The following APBA2 variants were observed in gnomAD, a reference collection of about 807,000 sequenced individuals.
APBA2 encodes amyloid beta precursor protein binding family A member 2.
APBA2 carries 30 observed loss-of-function variants against 75.0 expected under a neutral mutation model. That is an observed-to-expected ratio of 0.40 (90% CI 0.30 to 0.54). The LOEUF (loss-of-function observed/expected upper bound fraction) is 0.54, where lower values mean the gene tolerates loss of function less well. APBA2 is among the 20% of genes least tolerant of loss of function. The probability of loss-of-function intolerance (pLI) is 0.49; values close to 1 mark genes in which losing one functional copy is unlikely to be tolerated. For missense variants in APBA2, 801 were observed against 1,016.1 expected, an observed-to-expected ratio of 0.79 and a Z score of 2.88; for synonymous variants, 444 against 409.6, an observed-to-expected ratio of 1.08 and a Z score of -1.01.
intron 1 of APBA2, among the ~76,000 whole-genome samples, chr15:28,906,495 G>A (rs890717817): frequency 8.5e-5 from 13 of 152,328 alleles, no homozygotes; most frequent in African/African-American, 2.9e-4. Context: ...TGTTTCCGTA[G>A]CATAGGTTCC....
At chr15:28,933,227 G>C (rs1202635676) in intron 2 of APBA2, among the ~76,000 whole-genome samples, 1 of 149,072 alleles carries the variant, frequency 6.7e-6, no homozygotes, top group East Asian at 1.9e-4. Flanking sequence ...CATGAACTTT[G>C]GGGGGGCACA....
At chr15:29,044,055 G>A (rs1332073071) in intron 3 of APBA2, among the ~76,000 whole-genome samples, 3 of 152,198 alleles carry the variant, frequency 2.0e-5, no homozygotes, top group Admixed American at 2.0e-4. Context: ...TACAACATGT[G>A]AGACCAAATG....
intron 2 of APBA2, among the ~76,000 whole-genome samples, chr15:28,935,028 A>G (rs1254306011): frequency 6.6e-6 from 1 of 152,184 alleles, no homozygotes; most frequent in Non-Finnish European, 1.5e-5. Context: ...TGATGCCCAC[A>G]CAGTTCCTGG....
chr15:28,986,505 T>A (rs942674381), intron 2 of APBA2, among the ~76,000 whole-genome samples: 1 of 152,180 alleles, frequency 6.6e-6, no homozygotes, highest in Non-Finnish European at 1.5e-5. Flanking sequence ...TTTTAATTAT[T>A]AAAAAAATTT....
intron 6 of APBA2, among the ~76,000 whole-genome samples, chr15:29,083,908 A>G (rs115027623): frequency 4.7e-4 from 72 of 152,320 alleles, no homozygotes; most frequent in African/African-American, 1.6e-3. Flanking sequence ...TCAGCTTTAC[A>G]ACATAGTCTT....
chr15:29,003,113 G>A (rs986143090), intron 3 of APBA2, among the ~76,000 whole-genome samples: 2 of 152,048 alleles, frequency 1.3e-5, no homozygotes, highest in African/African-American at 4.8e-5. Flanking sequence ...AGATGGCTTG[G>A]GAGAAGCCCT....
At chr15:29,061,291 C>T (rs2042120773) in intron 4 of APBA2, among the ~76,000 whole-genome samples, 1 of 152,172 alleles carries the variant, frequency 6.6e-6, no homozygotes, top group South Asian at 2.1e-4. Context: ...CTGAAATTCT[C>T]CCTGTAGAGA....
intron 4 of APBA2, among the ~76,000 whole-genome samples, chr15:29,061,904 C>T (rs982930514): frequency 6.6e-6 from 1 of 152,160 alleles, no homozygotes; most frequent in Middle Eastern, 3.2e-3. Flanking sequence ...GTTGTTGGCA[C>T]CCAGGCGCCC....
chr15:29,112,573 G>C (rs1002260729), intron 13 of APBA2, among the ~76,000 whole-genome samples: 2 of 152,178 alleles, frequency 1.3e-5, no homozygotes, highest in African/African-American at 4.8e-5. Context: ...GGGCCCTGGG[G>C]TGGCGAAGGA....
chr15:29,094,145 C>A, intron 7 of APBA2, 133 bp from the exon 8 acceptor site: 1 of 913,064 alleles, frequency 1.1e-6, no homozygotes, highest in Non-Finnish European at 1.8e-6. Flanking sequence ...CAATGGCTGT[C>A]CACCCGTCCC....
chr15:28,932,293 G>A (rs1245888082), intron 2 of APBA2, among the ~76,000 whole-genome samples: 5 of 152,124 alleles, frequency 3.3e-5, no homozygotes, highest in Non-Finnish European at 5.9e-5. Flanking sequence ...CACAGCATGG[G>A]GTGCTGGCTT....
At chr15:29,036,322 A>G (rs1366305623) in intron 3 of APBA2, among the ~76,000 whole-genome samples, 1 of 152,158 alleles carries the variant, frequency 6.6e-6, no homozygotes, top group Admixed American at 6.5e-5. Flanking sequence ...TGCTTAGTAG[A>G]CAAATGTCCC....
intron 1 of APBA2, among the ~76,000 whole-genome samples, chr15:28,910,374 G>C (rs2033373232): frequency 6.6e-6 from 1 of 152,214 alleles, no homozygotes; most frequent in Admixed American, 6.5e-5. Context: ...GAAATGAAAA[G>C]TGCTCAGTGA....
chr15:28,951,085 G>A (rs1002880484), intron 2 of APBA2, among the ~76,000 whole-genome samples: 2 of 152,080 alleles, frequency 1.3e-5, no homozygotes, highest in Admixed American at 6.5e-5. Flanking sequence ...AAAATAGATG[G>A]TTGCATCTCT....
intron 2 of APBA2, among the ~76,000 whole-genome samples, chr15:28,927,200 G>C (rs1449373870): frequency 6.6e-6 from 1 of 151,904 alleles, no homozygotes; most frequent in Non-Finnish European, 1.5e-5. Context: ...ATGAGAAGTG[G>C]GCTGTAATTC....
intron 1 of APBA2, among the ~76,000 whole-genome samples, chr15:28,896,968 G>A (rs932924379): frequency 2.0e-5 from 3 of 152,120 alleles, no homozygotes; most frequent in African/African-American, 7.2e-5. Flanking sequence ...TAGGCTTAGG[G>A]TCCATTACGG....
intron 3 of APBA2, among the ~76,000 whole-genome samples, chr15:29,006,752 G>A (rs149869717): frequency 2.7e-3 from 413 of 152,270 alleles, no homozygotes; most frequent in African/African-American, 9.5e-3. Context: ...TACAGTTATC[G>A]CTACCTGGCC....
chr15:28,892,072 A>AAT (rs894328631), intron 1 of APBA2, among the ~76,000 whole-genome samples: 15 of 132,092 alleles, frequency 1.1e-4, no homozygotes, highest in Admixed American at 2.9e-4. Flanking sequence ...TGTTATATAT[A>AAT]ATATATATAT....
At chr15:29,086,264 G>A (rs140205965) in intron 6 of APBA2, among the ~76,000 whole-genome samples, 121 of 152,272 alleles carry the variant, frequency 7.9e-4, no homozygotes, top group African/African-American at 2.9e-3. Context: ...GATGGCTGCA[G>A]CATCACTGAG....
Sources: gnomAD v4.1 joint callset for allele counts (sites outside exome capture counted in the v4.1 genomes callset) on GRCh38, gnomAD v4.1.1 for gene constraint, MANE v1.5 for transcripts, NCBI Gene and HGNC (gene_info 2026-07-23, HGNC 2026-07-21) for gene names.